The following FOXN3 variants were observed in gnomAD, a reference collection of about 807,000 sequenced individuals.
FOXN3 encodes the protein forkhead box protein N3.
Under a neutral mutation model 38.4 loss-of-function variants are expected in FOXN3, and 7 were observed. That is an observed-to-expected ratio of 0.18 (90% CI 0.10 to 0.34). FOXN3 has a LOEUF of 0.34. Ranked by LOEUF, FOXN3 falls within the 10% of genes least tolerant of loss-of-function variation. FOXN3 has a pLI of 1.00. For missense variants in FOXN3, 456 were observed against 613.4 expected (o/e 0.74, Z 2.71); for synonymous variants, 230 against 242.2 (o/e 0.95, Z 0.47).
intron 2 of FOXN3, among the ~76,000 whole-genome samples, chr14:89,384,479 G>A (rs556799329): frequency 1.2e-4 from 18 of 152,230 alleles, no homozygotes; most frequent in African/African-American, 4.3e-4. Flanking sequence ...CTTACTATGG[G>A]CAGACACTAA....
intron 1 of FOXN3, among the ~76,000 whole-genome samples, chr14:89,464,212 G>A (rs1393998132): frequency 6.6e-6 from 1 of 152,164 alleles, no homozygotes; most frequent in Non-Finnish European, 1.5e-5. Flanking sequence ...ACGTATAGGA[G>A]GGGCCATGAG....
intron 3 of FOXN3, among the ~76,000 whole-genome samples, chr14:89,337,776 C>T (rs191605825): frequency 2.0e-3 from 301 of 152,100 alleles, no homozygotes; most frequent in Admixed American, 4.3e-3. Flanking sequence ...ATTACAGGCA[C>T]GTGTCACCAA....
At chr14:89,342,719 C>G (rs1888650268) in intron 3 of FOXN3, among the ~76,000 whole-genome samples, 1 of 152,186 alleles carries the variant, frequency 6.6e-6, no homozygotes, top group Admixed American at 6.5e-5. Context: ...CACTCTCCTA[C>G]CTGTTTAGCA....
intron 4 of FOXN3, among the ~76,000 whole-genome samples, chr14:89,191,840 TA>T (rs1887952745): frequency 6.6e-6 from 1 of 150,842 alleles, no homozygotes; most frequent in South Asian, 2.1e-4. Context: ...CATAATGGAC[TA>T]AAAGTTTATT....
intron 4 of FOXN3, among the ~76,000 whole-genome samples, chr14:89,271,986 A>G (rs527388318): frequency 3.9e-5 from 6 of 152,346 alleles, no homozygotes; most frequent in African/African-American, 1.2e-4. Flanking sequence ...AAATGGTAGT[A>G]ACCATATCAA....
At chr14:89,312,923 A>T (rs1487919695) in intron 3 of FOXN3, among the ~76,000 whole-genome samples, 4 of 152,170 alleles carry the variant, frequency 2.6e-5, no homozygotes, top group Non-Finnish European at 5.9e-5. Flanking sequence ...CTTCTACAGA[A>T]ATCCTTTTCG....
chr14:89,206,217 C>A (rs1195968784), intron 4 of FOXN3, among the ~76,000 whole-genome samples: 1 of 152,192 alleles, frequency 6.6e-6, no homozygotes, highest in East Asian at 1.9e-4. Context: ...CGTACATAAG[C>A]ACAAACACTA....
chr14:89,265,649 G>A (rs555136499), intron 4 of FOXN3, among the ~76,000 whole-genome samples: 9 of 152,292 alleles, frequency 5.9e-5, no homozygotes, highest in South Asian at 2.1e-4. Flanking sequence ...ATAGCAGCAC[G>A]TCCACTTTTA....
intron 3 of FOXN3, among the ~76,000 whole-genome samples, chr14:89,318,902 A>G (rs1392210289): frequency 1.3e-5 from 2 of 152,238 alleles, no homozygotes; most frequent in East Asian, 3.9e-4. Context: ...CAATGGTTAC[A>G]TCAAAGACGG....
chr14:89,263,027 T>C (rs1429277108), intron 4 of FOXN3, among the ~76,000 whole-genome samples: 1 of 152,216 alleles, frequency 6.6e-6, no homozygotes, highest in Non-Finnish European at 1.5e-5. Context: ...GCAGTGAAAT[T>C]GGCCTGCTTG....
At chr14:89,165,626 G>T (rs558678859) in intron 5 of FOXN3, among the ~76,000 whole-genome samples, 17 of 152,196 alleles carry the variant, frequency 1.1e-4, no homozygotes, top group Admixed American at 6.5e-4. Context: ...GCTGTGTCTT[G>T]GGTGCATAAA....
chr14:89,193,509 G>A (rs1262051802), intron 4 of FOXN3, among the ~76,000 whole-genome samples: 2 of 152,082 alleles, frequency 1.3e-5, no homozygotes, highest in Non-Finnish European at 1.5e-5. Context: ...TGGATCTGTA[G>A]AGCATCCACC....
chr14:89,581,527 G>A (rs1457756074), intron 1 of FOXN3, among the ~76,000 whole-genome samples: 1 of 151,910 alleles, frequency 6.6e-6, no homozygotes, highest in Non-Finnish European at 1.5e-5. Context: ...AAAAGCACGT[G>A]GTTTAAAGTT....
intron 1 of FOXN3, among the ~76,000 whole-genome samples, chr14:89,613,307 G>C (rs939819621): frequency 6.6e-6 from 1 of 152,020 alleles, no homozygotes; most frequent in Non-Finnish European, 1.5e-5. Context: ...GCAAGGTCCT[G>C]GTAACTGGCA....
chr14:89,462,976 A>G (rs1036053353), intron 1 of FOXN3, among the ~76,000 whole-genome samples: 9 of 149,240 alleles, frequency 6.0e-5, no homozygotes, highest in South Asian at 2.2e-4. Context: ...GAGCCATCGC[A>G]CCCAGCCCTC....
intron 1 of FOXN3, among the ~76,000 whole-genome samples, chr14:89,449,293 T>C (rs1474846310): frequency 1.3e-5 from 2 of 152,222 alleles, no homozygotes; most frequent in Non-Finnish European, 1.5e-5. Context: ...ATCTGTGATT[T>C]CTTAAAAGTC....
chr14:89,238,629 T>C (rs1885047922), intron 4 of FOXN3, among the ~76,000 whole-genome samples: 1 of 152,214 alleles, frequency 6.6e-6, no homozygotes. Context: ...GCAGAATATT[T>C]TATTTTTTAT....
chr14:89,392,473 C>T (rs1890975203), intron 2 of FOXN3, among the ~76,000 whole-genome samples: 1 of 152,148 alleles, frequency 6.6e-6, no homozygotes, highest in Admixed American at 6.5e-5. Flanking sequence ...ATCCAGGTGT[C>T]AGCAGGGCTG....
At chr14:89,232,207 A>G (rs981485288) in intron 4 of FOXN3, among the ~76,000 whole-genome samples, 3 of 152,244 alleles carry the variant, frequency 2.0e-5, no homozygotes, top group Non-Finnish European at 4.4e-5. Context: ...GAAGGTTCCT[A>G]TAAGTCAGAC....
Sources: allele counts gnomAD v4.1 joint callset (sites outside exome capture counted in the v4.1 genomes callset), GRCh38; gene constraint gnomAD v4.1.1; transcripts MANE v1.5; gene names NCBI Gene and HGNC (gene_info 2026-07-23, HGNC 2026-07-21).